Variants in DNAH6 observed in about 807,000 individuals in gnomAD.
DNAH6 encodes the protein dynein axonemal heavy chain 6.
In DNAH6, 340 loss-of-function variants were observed where a neutral mutation model predicts 491.4. The ratio of observed to expected loss-of-function variants is 0.69; its 90% CI spans 0.63 to 0.76. DNAH6 has a LOEUF of 0.76. Ranked by LOEUF, DNAH6 falls within the 30% of genes least tolerant of loss-of-function variation. The pLI, the probability that DNAH6 is intolerant of heterozygous loss-of-function variation, is 0.00. For missense variants in DNAH6, 4,443 were observed against 4,972.2 expected (o/e 0.89, Z 3.20); for synonymous variants, 1,603 against 1,686.1 (o/e 0.95, Z 1.21).
chr2:84,703,282 G>A (rs1200833150), intron 49 of DNAH6, 113 bp from the exon 50 acceptor site: 2 of 769,606 alleles, frequency 2.6e-6, no homozygotes, highest in South Asian at 3.3e-5. Context: ...ATTACAAACT[G>A]ATTTAACAAT....
intron 4 of DNAH6, among the ~76,000 whole-genome samples, chr2:84,532,772 A>G (rs557458240): frequency 9.2e-5 from 14 of 152,292 alleles, no homozygotes; most frequent in Admixed American, 4.6e-4. Context: ...TTAAAGTTGC[A>G]CTTCTTATAG....
At chr2:84,706,824 G>T in intron 52 of DNAH6, 72 bp from the exon 53 acceptor site, 1 of 1,470,904 alleles carries the variant, frequency 6.8e-7, no homozygotes, top group South Asian at 1.4e-5. Context: ...ATTTTTTTTA[G>T]ATCTGTATTA....
chr2:84,761,147 A>G (rs551931113), intron 63 of DNAH6, among the ~76,000 whole-genome samples: 1 of 152,290 alleles, frequency 6.6e-6, no homozygotes, highest in South Asian at 2.1e-4. Context: ...CCATAAAAAT[A>G]TATAAAATCA....
At chr2:84,755,998 T>C (rs1673973212) in intron 63 of DNAH6, among the ~76,000 whole-genome samples, 1 of 152,202 alleles carries the variant, frequency 6.6e-6, no homozygotes, top group African/African-American at 2.4e-5. Flanking sequence ...CTGCCATCCA[T>C]GTAAGGCGTG....
At chr2:84,632,990 A>G (rs1688542180) in intron 29 of DNAH6, among the ~76,000 whole-genome samples, 1 of 152,140 alleles carries the variant, frequency 6.6e-6, no homozygotes. Flanking sequence ...TAATTAGTGT[A>G]AACAGCTTGT....
At chr2:84,709,723 GAGAAAGTA>G (rs148217393) in intron 55 of DNAH6, among the ~76,000 whole-genome samples, 177 bp downstream of exon 55, 5,617 of 152,274 alleles carry the variant, frequency 0.037, 115 homozygotes, top group Middle Eastern at 0.086. Context: ...TTTTGTGGAT[GAGAAAGTA>G]AGAAAGGAAG....
chr2:84,534,785 A>G lies in DNAH6; in HGVS notation c.662+5619A>G, dbSNP rs1677524090. Among the ~76,000 whole-genome samples the G allele has an allele frequency of 2.0e-5, 3 of 152,144 alleles. 1 individual carries two copies. In the East Asian group the frequency reaches 5.8e-4, roughly 29 times the overall value. ...CATAATTAATTGTTTTTAAAACTTA[A>G]AAAATAATTTTTCAAAGCTTAATTT... is the stretch of plus-strand genomic sequence containing the variant. On this transcript the variant is annotated intron_variant, in intron 4 of 76. Transcript: ENST00000389394.
At chr2:84,741,946 T>G (rs1019212662) in intron 62 of DNAH6, among the ~76,000 whole-genome samples, 16 of 152,206 alleles carry the variant, frequency 1.1e-4, no homozygotes, top group African/African-American at 3.9e-4. Flanking sequence ...CTCTTACTGT[T>G]TCCCTGCATC....
intron 64 of DNAH6, among the ~76,000 whole-genome samples, chr2:84,766,724 G>A (rs919525918): frequency 6.6e-6 from 1 of 152,180 alleles, no homozygotes. Flanking sequence ...AATGAGCCCG[G>A]CACTCATGGC....
intron 76 of DNAH6, among the ~76,000 whole-genome samples, chr2:84,817,327 A>T (rs1680588535): frequency 1.3e-5 from 2 of 152,262 alleles, no homozygotes; most frequent in Non-Finnish European, 2.9e-5. Context: ...ATAATGGAGA[A>T]TCACCTTCAA....
At chr2:84,701,579 C>A (rs929785430) in intron 49 of DNAH6, among the ~76,000 whole-genome samples, 1 of 152,036 alleles carries the variant, frequency 6.6e-6, no homozygotes, top group Non-Finnish European at 1.5e-5. Flanking sequence ...GGGGAGGCCT[C>A]GGGAAACTTT....
chr2:84,770,883 C>T (rs1675539518), intron 64 of DNAH6, among the ~76,000 whole-genome samples: 1 of 151,632 alleles, frequency 6.6e-6, no homozygotes, highest in South Asian at 2.1e-4. Flanking sequence ...CCAGCTACTT[C>T]GAAGGCTGAG....
At chr2:84,755,628 G>A (rs1673934217) in intron 63 of DNAH6, among the ~76,000 whole-genome samples, 1 of 152,022 alleles carries the variant, frequency 6.6e-6, no homozygotes, top group Non-Finnish European at 1.5e-5. Flanking sequence ...TTCCAATCTA[G>A]ATGCTTTTAT....
At chr2:84,723,182 C>T (rs1322601312) in intron 60 of DNAH6, among the ~76,000 whole-genome samples, 2 of 151,968 alleles carry the variant, frequency 1.3e-5, no homozygotes, top group Non-Finnish European at 2.9e-5. Context: ...GAGCCAAGAT[C>T]GTGCCACTGC....
At chr2:84,742,710 A>T (rs148009390) in intron 62 of DNAH6, among the ~76,000 whole-genome samples, 7 of 148,618 alleles carry the variant, frequency 4.7e-5, no homozygotes, top group African/African-American at 1.2e-4. Flanking sequence ...TATATCCTTT[A>T]TTTCTCCTCT....
In DNAH6 at chr2:84,568,270, C is replaced by T. The variant is rs767944700; in HGVS notation, c.1804-5197C>T. On this transcript the variant is annotated intron_variant, in intron 11 of 76. Coordinates refer to ENST00000389394, the MANE Select transcript of DNAH6 (RefSeq NM_001370.2). ...ATTCTATTATAAAGATATATGCATA[C>T]ACACATTCATTGCAGGACTATTCAC... Among the ~76,000 whole-genome samples the T allele has an allele frequency of 1.2e-4, 18 of 152,240 alleles. 1 individual carries two copies. In the Middle Eastern group the frequency reaches 0.014, roughly 115 times the overall value.
At chr2:84,569,312 A>G (rs1362873003) in intron 11 of DNAH6, among the ~76,000 whole-genome samples, 1 of 152,112 alleles carries the variant, frequency 6.6e-6, no homozygotes, top group Non-Finnish European at 1.5e-5. Flanking sequence ...GATATTCAGA[A>G]GTTTATGTCA....
Position 84,669,483 on chromosome 2 carries a change from G to A in DNAH6, c.6279G>A (p.Leu2093=). The A allele has an allele frequency of 1.9e-6, 3 of 1,551,772 alleles. No individual in the cohort carries two copies. The highest frequency in any genetic ancestry group is 2.6e-6 in the Non-Finnish European group (3 of 1,146,970). Residue 2093 remains leucine (L), a synonymous_variant, in exon 38 of 77, where the codon TTG becomes TTA. Coordinates refer to ENST00000389394, the MANE Select transcript of DNAH6 (RefSeq NM_001370.2). ...TACTGGCAGTCAAGCATTCCGTGTT[G>A]TTTACTGGAATAACTGGAGTGGGCA... The part of the protein sequence containing the change: ...EKLLAVKHSV[L]FTGITGVGKS...
In DNAH6 at chr2:84,704,130, A is replaced by G. The variant is rs868694454; in HGVS notation, c.8293A>G (p.Ile2765Val). 1 of 1,551,774 alleles carries G rather than the reference A, an allele frequency of 6.4e-7. No individual in the cohort carries two copies. Among genetic ancestry groups the G allele is most frequent in the Admixed American group, 2.0e-5 (1 of 50,988 alleles). The stretch of plus-strand genomic sequence containing the variant: ...AGTCAAAGCTGAAGAAACCCAAGCA[A>G]TAGCTGATGATGCTCAAAGAGATCT... ...AKVKAEETQA[I>V]ADDAQRDLDE... Residue 2765 changes from isoleucine to valine, a missense_variant, in exon 51 of 77, where the codon ATA becomes GTA. Ile to Val is a conservative substitution (Grantham distance 29, BLOSUM62 3). Transcript: ENST00000389394.
Sources: allele counts gnomAD v4.1 joint callset (sites outside exome capture counted in the v4.1 genomes callset), GRCh38; gene constraint gnomAD v4.1.1; transcripts MANE v1.5; gene names NCBI Gene and HGNC (gene_info 2026-07-23, HGNC 2026-07-21).